ABHD18: variants seen among roughly 807,000 people sequenced by gnomAD.
ABHD18 encodes abhydrolase domain containing 18.
ABHD18 carries 55 observed loss-of-function variants against 65.9 expected under a neutral mutation model. That is an observed-to-expected ratio of 0.84 (90% CI 0.67 to 1.05). The LOEUF (loss-of-function observed/expected upper bound fraction) is 1.05. Ranked by LOEUF, ABHD18 falls within the 50% of genes least tolerant of loss-of-function variation. The pLI is 0.00. For missense variants in ABHD18, 533 were observed against 558.5 expected (o/e 0.95, Z 0.46); for synonymous variants, 181 against 180.2 (o/e 1.00, Z -0.04).
chr4:127,984,043 G>GAA (rs35602390), intron 2 of ABHD18, among the ~76,000 whole-genome samples: 10 of 137,834 alleles, frequency 7.3e-5, no homozygotes, highest in Admixed American at 1.4e-4. Flanking sequence ...TCTCAAGGGG[G>GAA]AAAAAAAAAA....
chr4:128,007,106 T>TA (rs1166156143), intron 4 of ABHD18, among the ~76,000 whole-genome samples: 1 of 151,622 alleles, frequency 6.6e-6, no homozygotes, highest in African/African-American at 2.4e-5. Context: ...GATCATGCCA[T>TA]TGCACTCCAG....
chr4:128,027,237 G>C (rs945671989), intron 10 of ABHD18, among the ~76,000 whole-genome samples: 11 of 152,104 alleles, frequency 7.2e-5, no homozygotes, highest in Non-Finnish European at 1.2e-4. Flanking sequence ...ATACCGTCTA[G>C]ATTTACGTAA....
intron 1 of ABHD18, among the ~76,000 whole-genome samples, chr4:127,974,784 C>T (rs1314270895): frequency 9.2e-5 from 14 of 151,838 alleles, no homozygotes; most frequent in African/African-American, 3.1e-4. Context: ...CACCTGAGGT[C>T]AGGAGTTCGA....
intron 12 of ABHD18, among the ~76,000 whole-genome samples, chr4:128,034,151 G>T (rs980709177): frequency 1.3e-5 from 2 of 151,508 alleles, no homozygotes; most frequent in African/African-American, 4.9e-5. Flanking sequence ...TAGAGATGGG[G>T]TTTCACCATG....
chr4:128,031,138 C>T (rs377385827), intron 12 of ABHD18: 2 of 985,784 alleles, frequency 2.0e-6, no homozygotes, highest in East Asian at 1.1e-4. Flanking sequence ...TATGACTCCA[C>T]TATTTTAGTT....
chr4:128,010,587 CA>C (rs200871635), intron 6 of ABHD18, among the ~76,000 whole-genome samples: 2 of 147,690 alleles, frequency 1.4e-5, no homozygotes, highest in Non-Finnish European at 1.5e-5. Flanking sequence ...CACAGGTATG[CA>C]AAAAAAAACT....
chr4:128,001,510 T>G (rs1223032524), intron 4 of ABHD18, among the ~76,000 whole-genome samples: 5 of 152,236 alleles, frequency 3.3e-5, no homozygotes, highest in Admixed American at 3.3e-4. Flanking sequence ...AATAACTTGT[T>G]GATGTGCTAG....
chr4:128,035,857 A>G lies in ABHD18; in HGVS notation c.*44A>G. The G allele has an allele frequency of 8.0e-7, 1 of 1,249,482 alleles. No individual in the cohort carries two copies. Among genetic ancestry groups the G allele is most frequent in the South Asian group, 1.5e-5 (1 of 68,706 alleles). 77.4% of individuals were successfully genotyped at this position (1,249,482 alleles called of 1,614,324 possible). ...CCAGTGTGGCCATGATGTTTCTTACAAAAGGGAGCTTCATCCTGTGATCAT... is the reference window on the plus strand; with the variant it reads ...CCAGTGTGGCCATGATGTTTCTTACGAAAGGGAGCTTCATCCTGTGATCAT... On this transcript the variant is annotated 3_prime_UTR_variant, in exon 13 of 13. Transcript: ENST00000645843.
chr4:128,020,358 G>A (rs954795328), intron 9 of ABHD18, among the ~76,000 whole-genome samples, 189 bp downstream of exon 9: 7 of 152,176 alleles, frequency 4.6e-5, no homozygotes, highest in South Asian at 4.1e-4. Flanking sequence ...AGGAAAAAGC[G>A]CATGAGGTAG....
chr4:128,003,844 C>G (rs1184376719), intron 4 of ABHD18, among the ~76,000 whole-genome samples: 1 of 151,068 alleles, frequency 6.6e-6, no homozygotes, highest in Non-Finnish European at 1.5e-5. Context: ...ACTTGGGAGG[C>G]TGAGGCTGAC....
chr4:127,991,542 T>C (rs142441234), intron 4 of ABHD18, among the ~76,000 whole-genome samples: 73 of 152,280 alleles, frequency 4.8e-4, no homozygotes, highest in African/African-American at 1.6e-3. Context: ...GTTTTTTAAG[T>C]TGTTTTTAAT....
intron 4 of ABHD18, among the ~76,000 whole-genome samples, chr4:127,998,281 C>CTTTTTT (rs993883974): frequency 2.6e-4 from 31 of 119,856 alleles, no homozygotes; most frequent in East Asian, 4.9e-4. Flanking sequence ...CAAGACGTTT[C>CTTTTTT]TTTTTTTTTT....
Position 127,965,495 on chromosome 4 carries a change from C to A in ABHD18, c.-129C>A. On this transcript the variant is annotated 5_prime_UTR_variant, in exon 1 of 13. Coordinates refer to ENST00000645843, the MANE Select transcript of ABHD18 (RefSeq NM_001358451.3). Reference sequence around the variant, plus strand: ...AGCATTTCGGTTCCTGGAAAGGTTACCGGAGCTGCGATTGGGGCTGGGACC... The same window carrying A: ...AGCATTTCGGTTCCTGGAAAGGTTAACGGAGCTGCGATTGGGGCTGGGACC... 2.6e-6 allele frequency: 1 copy of A among 386,432 alleles called. No homozygotes were observed. The highest frequency in any genetic ancestry group is 3.9e-5 in the Admixed American group (1 of 25,588). 23.9% of individuals were successfully genotyped at this position (386,432 alleles called of 1,614,324 possible).
rs1018604721 is a variant in ABHD18, at chr4:128,030,750, G to T, written c.1343+78G>T. ...ATTTTTTGCTTCAACAAATGTAAAA[G>T]ATCACATATTTTTATAGTCTGTTTC... On this transcript the variant is annotated intron_variant, in intron 12 of 12. Coordinates refer to ENST00000645843, the MANE Select transcript of ABHD18 (RefSeq NM_001358451.3). 7 of 1,515,480 alleles carry T rather than the reference G, an allele frequency of 4.6e-6. No individual in the cohort carries two copies. The African/African-American group carries it at 1.0e-4, about 22-fold the overall frequency. The allele number at this position is 1,515,480 out of a possible 1,614,324, so 93.9% of individuals were successfully genotyped here.
chr4:128,027,850 T>TA (rs939275620), intron 10 of ABHD18, among the ~76,000 whole-genome samples: 18 of 150,924 alleles, frequency 1.2e-4, no homozygotes, highest in Admixed American at 7.3e-4. Flanking sequence ...ACTTTGGCTA[T>TA]AAAAAAAAAT....
chr4:127,978,375 A>G (rs1748372072), intron 1 of ABHD18, among the ~76,000 whole-genome samples: 1 of 152,114 alleles, frequency 6.6e-6, no homozygotes, highest in South Asian at 2.1e-4. Context: ...GAGAAGAAGG[A>G]ATTTAATATT....
chr4:127,998,413 G>A (rs978141157), intron 4 of ABHD18, among the ~76,000 whole-genome samples: 3 of 147,332 alleles, frequency 2.0e-5, no homozygotes, highest in East Asian at 4.1e-4. Context: ...CTAATTTTTT[G>A]TATTTTTAAT....
Position 128,028,865 on chromosome 4 carries a change from T to C in ABHD18, c.1180+12T>C, listed in dbSNP as rs188548620. On this transcript the variant is annotated intron_variant, in intron 11 of 12. Coordinates refer to ENST00000645843, the MANE Select transcript of ABHD18 (RefSeq NM_001358451.3). ...AGCAAATTTCTCAGGTACTAATTTT[T>C]ATATGAAATTGAGAATATTTGCTGA... The C allele has an allele frequency of 2.7e-4, 402 of 1,511,082 alleles. 7 individuals are homozygous for C. The East Asian group carries it at 9.2e-3, about 34-fold the overall frequency. The allele number at this position is 1,511,082 out of a possible 1,614,324, so 93.6% of individuals were successfully genotyped here. A position where few individuals can be genotyped will look rare whatever the true frequency, so the allele number is the denominator to read the frequency against.
chr4:127,975,931 T>C (rs1222798890), intron 1 of ABHD18, among the ~76,000 whole-genome samples: 1 of 152,116 alleles, frequency 6.6e-6, no homozygotes, highest in African/African-American at 2.4e-5. Context: ...GTTCAAGTGA[T>C]TTTCCTTTCT....
Sources: gnomAD v4.1 joint callset for allele counts (sites outside exome capture counted in the v4.1 genomes callset) on GRCh38, gnomAD v4.1.1 for gene constraint, MANE v1.5 for transcripts, NCBI Gene and HGNC (gene_info 2026-07-23, HGNC 2026-07-21) for gene names.